The following TRPC4 variants were observed in gnomAD, a reference collection of about 807,000 sequenced individuals.
The protein encoded by TRPC4 is transient receptor potential cation channel subfamily C member 4.
A neutral mutation model predicts 99.4 loss-of-function variants in TRPC4; 49 were observed. The observed-to-expected ratio is 0.49, with a 90% CI of 0.39 to 0.63. TRPC4 has a LOEUF of 0.63. TRPC4 is among the 20% of genes least tolerant of loss of function. The probability of loss-of-function intolerance (pLI) is 0.00; values close to 1 mark genes in which losing one functional copy is unlikely to be tolerated. For synonymous variants in TRPC4, 454 were observed against 425.9 expected (o/e 1.07, Z -0.81); for missense variants, 898 against 1,152.9 (o/e 0.78, Z 3.20).
intron 4 of TRPC4, among the ~76,000 whole-genome samples, chr13:37,685,601 G>T (rs904078344): frequency 6.6e-6 from 1 of 151,314 alleles, no homozygotes; most frequent in African/African-American, 2.4e-5. Context: ...ACTAATTCAA[G>T]AATCTCATTT....
At chr13:37,752,248 T>C (rs1354998714) in intron 2 of TRPC4, among the ~76,000 whole-genome samples, 1 of 151,532 alleles carries the variant, frequency 6.6e-6, no homozygotes, top group Non-Finnish European at 1.5e-5. Context: ...AAGCGAATAA[T>C]TGACATACTT....
intron 2 of TRPC4, among the ~76,000 whole-genome samples, chr13:37,749,674 G>A (rs185871635): frequency 6.6e-6 from 1 of 152,138 alleles, no homozygotes; most frequent in East Asian, 1.9e-4. Context: ...GAAAGTCTGA[G>A]GTTTTCTTAT....
chr13:37,740,815 C>T (rs999619393), intron 3 of TRPC4, among the ~76,000 whole-genome samples: 1 of 152,104 alleles, frequency 6.6e-6, no homozygotes, highest in Non-Finnish European at 1.5e-5. Context: ...TTTAGTTTAC[C>T]ATGCCATGGA....
intron 1 of TRPC4, among the ~76,000 whole-genome samples, chr13:37,792,234 C>T (rs1340053366): frequency 6.6e-6 from 1 of 152,066 alleles, no homozygotes; most frequent in Admixed American, 6.6e-5. Flanking sequence ...GACTCTGATG[C>T]TAGCACAATA....
In TRPC4 at chr13:37,644,254, A is replaced by G. The variant is rs539673679; in HGVS notation, c.2080-4955T>C. Among the ~76,000 whole-genome samples the G allele has an allele frequency of 6.3e-4, 96 of 152,298 alleles. No homozygotes were observed. In the Middle Eastern group the frequency reaches 0.014, roughly 22 times the overall value. Reference sequence around the variant, plus strand: ...CAAAGGGATTTGTTACCTTAAGAGAAGATATCTTTTTCTTATAATTATCAC... The same window carrying G: ...CAAAGGGATTTGTTACCTTAAGAGAGGATATCTTTTTCTTATAATTATCAC... On this transcript the variant is annotated intron_variant, in intron 8 of 10. Transcript: ENST00000379705.
chr13:37,743,374 G>T (rs1955647246), intron 3 of TRPC4, among the ~76,000 whole-genome samples: 1 of 152,042 alleles, frequency 6.6e-6, no homozygotes, highest in African/African-American at 2.4e-5. Context: ...CCATTGCTTT[G>T]CTTCTTAGAT....
chr13:37,707,517 C>T (rs916860743), intron 3 of TRPC4, among the ~76,000 whole-genome samples: 2 of 152,018 alleles, frequency 1.3e-5, no homozygotes, highest in Non-Finnish European at 2.9e-5. Context: ...TAGTTAGTTA[C>T]GTATATACAA....
chr13:37,838,124 G>T (rs902592624), intron 1 of TRPC4, among the ~76,000 whole-genome samples: 3 of 152,108 alleles, frequency 2.0e-5, no homozygotes, highest in African/African-American at 7.2e-5. Context: ...TTTGTAAATT[G>T]CCCAGTCTCA....
chr13:37,856,673 G>A (rs984691666), intron 1 of TRPC4, among the ~76,000 whole-genome samples: 2 of 151,450 alleles, frequency 1.3e-5, no homozygotes, highest in Admixed American at 6.6e-5. Flanking sequence ...CATTAGAAAG[G>A]TCATTCATCA....
chr13:37,830,521 T>C (rs1476925316), intron 1 of TRPC4, among the ~76,000 whole-genome samples: 1 of 151,740 alleles, frequency 6.6e-6, no homozygotes, highest in Non-Finnish European at 1.5e-5. Context: ...AAGACCAGCC[T>C]GACCAACATG....
intron 1 of TRPC4, among the ~76,000 whole-genome samples, chr13:37,810,410 A>G (rs1957643736): frequency 6.6e-6 from 1 of 152,058 alleles, no homozygotes; most frequent in African/African-American, 2.4e-5. Context: ...ATAAAAGATA[A>G]ATCTCTCACT....
intron 3 of TRPC4, among the ~76,000 whole-genome samples, chr13:37,711,035 G>A (rs1486505390): frequency 1.3e-5 from 2 of 151,888 alleles, no homozygotes; most frequent in African/African-American, 4.8e-5. Context: ...ACAAAACAAA[G>A]TCTACTGTTG....
At chr13:37,756,559 G>A (rs1956102779) in intron 2 of TRPC4, among the ~76,000 whole-genome samples, 2 of 143,640 alleles carry the variant, frequency 1.4e-5, no homozygotes, top group Admixed American at 7.2e-5. Flanking sequence ...CTGAGGTAGA[G>A]TCTTGCCCTG....
Position 37,869,729 on chromosome 13 carries a change from A to C in TRPC4, c.-162T>G, listed in dbSNP as rs1018528309. 6.6e-6 allele frequency: 1 copy of C among 152,072 alleles called. No homozygotes were observed. The highest frequency in any genetic ancestry group is 2.4e-5 in the African/African-American group (1 of 41,442). 9.4% of individuals were successfully genotyped at this position (152,072 alleles called of 1,614,324 possible). On this transcript the variant is annotated 5_prime_UTR_variant, in exon 1 of 11. Coordinates refer to ENST00000379705, the MANE Select transcript of TRPC4 (RefSeq NM_016179.4). ...CGCTGCTGAGTTTTGGAGCATTCCA[A>C]GGAAAACGATCGAAGCTGGAGCCCA...
intron 8 of TRPC4, among the ~76,000 whole-genome samples, chr13:37,639,615 G>C (rs1466415736): frequency 2.0e-5 from 3 of 151,990 alleles, no homozygotes; most frequent in Non-Finnish European, 2.9e-5. Flanking sequence ...ATGATGCTAA[G>C]AGAAAGAGAT....
At position 37,633,461 on chromosome 13, in the gene TRPC4, A is replaced by T. The variant is rs1951436303; in HGVS notation, c.*3442T>A. On this transcript the variant is annotated 3_prime_UTR_variant, in exon 11 of 11. Transcript: ENST00000379705. The stretch of plus-strand genomic sequence containing the variant: ...CCTCTCTTCAATAAAGAGCTGTGAG[A>T]CTGGATAGTCATTTACTCAGCTAAA... Among the ~76,000 whole-genome samples, 1 of 152,146 alleles carries T rather than the reference A, an allele frequency of 6.6e-6. No homozygotes were observed. Among genetic ancestry groups the T allele is most frequent in the Non-Finnish European group, 1.5e-5 (1 of 68,024 alleles).
intron 7 of TRPC4, among the ~76,000 whole-genome samples, chr13:37,654,028 C>T (rs1178339914): frequency 6.6e-6 from 1 of 152,048 alleles, no homozygotes; most frequent in Non-Finnish European, 1.5e-5. Flanking sequence ...TACCTATTTC[C>T]AGAGGAATTT....
At chr13:37,865,622 T>G (rs1959691165) in intron 1 of TRPC4, among the ~76,000 whole-genome samples, 1 of 151,740 alleles carries the variant, frequency 6.6e-6, no homozygotes, top group Non-Finnish European at 1.5e-5. Context: ...GTTGTTTATA[T>G]TCCAATGTTA....
chr13:37,693,232 G>A (rs1400646401), intron 3 of TRPC4, among the ~76,000 whole-genome samples: 1 of 151,888 alleles, frequency 6.6e-6, no homozygotes, highest in Non-Finnish European at 1.5e-5. Flanking sequence ...AGAGAAAATT[G>A]TATCTTTCAG....
Sources: gnomAD v4.1 joint callset for allele counts (sites outside exome capture counted in the v4.1 genomes callset) on GRCh38, gnomAD v4.1.1 for gene constraint, MANE v1.5 for transcripts, NCBI Gene and HGNC (gene_info 2026-07-23, HGNC 2026-07-21) for gene names.